The following TMEM178B variants were observed in gnomAD, a reference collection of about 807,000 sequenced individuals.
The protein encoded by TMEM178B is transmembrane protein 178B.
TMEM178B carries 5 observed loss-of-function variants against 31.0 expected under a neutral mutation model. That is an observed-to-expected ratio of 0.16 (90% CI 0.08 to 0.34). The LOEUF is 0.34. Ranked by LOEUF, TMEM178B falls within the 10% of genes least tolerant of loss-of-function variation. The pLI is 1.00. For synonymous variants in TMEM178B, 164 were observed against 164.0 expected (o/e 1.00, Z 0.00); for missense variants, 275 against 400.3 (o/e 0.69, Z 2.67).
intron 1 of TMEM178B, among the ~76,000 whole-genome samples, chr7:141,178,004 T>C (rs1276010663): frequency 6.6e-6 from 1 of 152,222 alleles, no homozygotes; most frequent in Non-Finnish European, 1.5e-5. Context: ...CTGGTTATTT[T>C]GCACATTAGT....
chr7:141,344,618 T>C lies in TMEM178B; in HGVS notation c.497-92990T>C, dbSNP rs575373311. On this transcript the variant is annotated intron_variant, in intron 2 of 3. Transcript: ENST00000565468. The surrounding 1 kb of genome is among the most constrained non-coding windows in gnomAD (Gnocchi z 4.1). The stretch of plus-strand genomic sequence containing the variant: ...TTCCTTCCTTCCTTCCTTCCTTCCT[T>C]CCTTCCTTCCTCCCTTCCTTCTTCC... Among the ~76,000 whole-genome samples, 42 of 147,150 alleles carry C rather than the reference T, an allele frequency of 2.9e-4. No individual in the cohort carries two copies. The highest frequency in any genetic ancestry group is 1.0e-3 in the African/African-American group (40 of 39,294).
chr7:141,095,603 T>C (rs2129172830), intron 1 of TMEM178B, among the ~76,000 whole-genome samples: 1 of 152,322 alleles, frequency 6.6e-6, no homozygotes, highest in South Asian at 2.1e-4. Context: ...TGGTCGCCCA[T>C]TTGCTTTCTG....
In TMEM178B at chr7:141,152,327, C is replaced by T. The variant is rs1294454170; in HGVS notation, c.383-60264C>T. Among the ~76,000 whole-genome samples, 5 of 152,328 alleles carry T rather than the reference C, an allele frequency of 3.3e-5. No individual in the cohort carries two copies. The East Asian group carries it at 9.7e-4, about 29-fold the overall frequency. On this transcript the variant is annotated intron_variant, in intron 1 of 3. Transcript: ENST00000565468. Reference sequence around the variant, plus strand: ...TCTGCAGGGAGGCCCTTCTTGGTGGCTCAGGACTGGTGGGCACCGTCTCTG... The same window carrying T: ...TCTGCAGGGAGGCCCTTCTTGGTGGTTCAGGACTGGTGGGCACCGTCTCTG...
At chr7:141,357,294 C>T (rs567922272) in intron 2 of TMEM178B, among the ~76,000 whole-genome samples, 10 of 152,330 alleles carry the variant, frequency 6.6e-5, no homozygotes, top group African/African-American at 2.2e-4. Flanking sequence ...ATGAGGTGTA[C>T]ATCTTTACAA....
chr7:141,443,685 G>A lies in TMEM178B; in HGVS notation c.634+5940G>A, dbSNP rs148679709. Among the ~76,000 whole-genome samples, 298 of 152,160 alleles carry A rather than the reference G, an allele frequency of 2.0e-3. 1 individual carries two copies. The highest frequency in any genetic ancestry group is 6.7e-3 in the African/African-American group (279 of 41,508). On this transcript the variant is annotated intron_variant, in intron 3 of 3. Coordinates refer to ENST00000565468, the MANE Select transcript of TMEM178B (RefSeq NM_001195278.2). ...TTCCCCCATTTCCCATGACTTCCTC[G>A]GAAGGAAGTCACCACATGCAGCCCA...
intron 1 of TMEM178B, among the ~76,000 whole-genome samples, chr7:141,091,740 T>G (rs1049457942): frequency 4.6e-5 from 7 of 152,220 alleles, no homozygotes; most frequent in Admixed American, 1.3e-4. Context: ...ACTTTGTTAA[T>G]TTTTAGAGAC....
chr7:141,128,440 C>T (rs989970919), intron 1 of TMEM178B, among the ~76,000 whole-genome samples: 6 of 152,084 alleles, frequency 3.9e-5, no homozygotes, highest in African/African-American at 1.4e-4. Context: ...GGGCACCTTA[C>T]GTGTCCTCAT....
At chr7:141,140,718 T>G (rs1279613962) in intron 1 of TMEM178B, among the ~76,000 whole-genome samples, 2 of 152,230 alleles carry the variant, frequency 1.3e-5, no homozygotes, top group African/African-American at 4.8e-5. Context: ...TTGACGGTTT[T>G]GAGGAGTACT....
chr7:141,117,621 C>G (rs1012784475), intron 1 of TMEM178B, among the ~76,000 whole-genome samples: 1 of 152,142 alleles, frequency 6.6e-6, no homozygotes, highest in Admixed American at 6.6e-5. Flanking sequence ...AGGTTTTCTT[C>G]TAGGGTTTTT....
intron 3 of TMEM178B, among the ~76,000 whole-genome samples, chr7:141,454,646 G>A (rs1447661053): frequency 7.2e-6 from 1 of 137,986 alleles, no homozygotes; most frequent in Non-Finnish European, 1.5e-5. Context: ...CCACCAATAT[G>A]AGTCAACACT....
intron 3 of TMEM178B, among the ~76,000 whole-genome samples, chr7:141,467,576 C>T (rs1364017195): frequency 1.3e-5 from 2 of 152,104 alleles, no homozygotes; most frequent in Non-Finnish European, 2.9e-5. Flanking sequence ...TAACTGGTCT[C>T]CCTACCTCTG....
intron 2 of TMEM178B, among the ~76,000 whole-genome samples, chr7:141,404,702 C>G (rs1800850329): frequency 1.3e-5 from 2 of 152,234 alleles, no homozygotes; most frequent in Non-Finnish European, 2.9e-5. Context: ...AATAAGGTCA[C>G]ATTCATAGGC....
intron 3 of TMEM178B, 132 bp from the exon 4 acceptor site, chr7:141,470,403 AC>A: frequency 1.1e-6 from 1 of 900,582 alleles, no homozygotes; most frequent in Non-Finnish European, 1.6e-6. Flanking sequence ...ACCTGCTCTT[AC>A]CTAGACTTCC....
chr7:141,496,268 G>A, the TMEM178B span, among the ~76,000 whole-genome samples: 2 of 152,184 alleles, frequency 1.3e-5, no homozygotes, highest in South Asian at 4.1e-4. Context: ...CAAGATGGAG[G>A]AGGCCAGCTC....
At chr7:141,247,799 C>G (rs909409877) in intron 2 of TMEM178B, among the ~76,000 whole-genome samples, 3 of 152,032 alleles carry the variant, frequency 2.0e-5, no homozygotes, top group Admixed American at 6.5e-5. Flanking sequence ...TGTGTATGTT[C>G]CAAGTATTTC....
chr7:141,291,132 G>C (rs533028822), intron 2 of TMEM178B, among the ~76,000 whole-genome samples: 54 of 152,312 alleles, frequency 3.5e-4, no homozygotes, highest in African/African-American at 1.3e-3. Context: ...ATTCTCGATA[G>C]TGCTGCTGTT....
chr7:141,419,579 A>G lies in TMEM178B; in HGVS notation c.497-18029A>G, dbSNP rs371220630. 3.3e-5 allele frequency among the ~76,000 whole-genome samples: 5 copies of G among 152,296 alleles called. No homozygotes were observed. The South Asian group carries it at 8.3e-4, about 25-fold the overall frequency. ...GCAGCCATGGTCACCTTTCTAGAGAAAACAAAAACCTAACCAGCTTCTCCC... is the reference window on the plus strand; with the variant it reads ...GCAGCCATGGTCACCTTTCTAGAGAGAACAAAAACCTAACCAGCTTCTCCC... On this transcript the variant is annotated intron_variant, in intron 2 of 3. Coordinates refer to ENST00000565468, the MANE Select transcript of TMEM178B (RefSeq NM_001195278.2).
chr7:141,219,118 G>A (rs1298950934), intron 2 of TMEM178B, among the ~76,000 whole-genome samples: 2 of 152,136 alleles, frequency 1.3e-5, no homozygotes, highest in Admixed American at 6.5e-5. Flanking sequence ...ATCACTCGAC[G>A]TTTCCTCCCA....
chr7:141,490,581 G>T, the TMEM178B span, among the ~76,000 whole-genome samples: 1 of 152,196 alleles, frequency 6.6e-6, no homozygotes, highest in Non-Finnish European at 1.5e-5. Flanking sequence ...CATTTCTGTT[G>T]TTTAAGCCAA....
Sources: gnomAD v4.1 joint callset for allele counts (sites outside exome capture counted in the v4.1 genomes callset) on GRCh38, gnomAD v4.1.1 for gene constraint, Gnocchi (gnomAD v3.1) non-coding constraint, MANE v1.5 for transcripts, NCBI Gene and HGNC (gene_info 2026-07-23, HGNC 2026-07-21) for gene names.